Variants in VAV2 observed in about 807,000 individuals in gnomAD.
The protein encoded by VAV2 is guanine nucleotide exchange factor VAV2.
In VAV2, 67 loss-of-function variants were observed where a neutral mutation model predicts 132.5. The ratio of observed to expected loss-of-function variants is 0.51; its 90% confidence interval spans 0.42 to 0.62. The LOEUF is 0.62. VAV2 is among the 20% of genes least tolerant of loss of function. VAV2 has a pLI of 0.00. For missense variants in VAV2, 938 were observed against 1,153.6 expected (o/e 0.81, Z 2.71); for synonymous variants, 492 against 443.5 (o/e 1.11, Z -1.37).
intron 4 of VAV2, among the ~76,000 whole-genome samples, chr9:133,819,060 T>A (rs1442215187): frequency 6.6e-6 from 1 of 152,026 alleles, no homozygotes; most frequent in Admixed American, 6.6e-5. Context: ...TGTGTTGTTT[T>A]TCTTTCTTTA....
At chr9:133,933,801 A>G (rs1840784779) in intron 2 of VAV2, among the ~76,000 whole-genome samples, 2 of 138,538 alleles carry the variant, frequency 1.4e-5, no homozygotes, top group African/African-American at 5.4e-5. Flanking sequence ...TGGTGGATGG[A>G]TGAATGATGG....
intron 2 of VAV2, among the ~76,000 whole-genome samples, chr9:133,902,015 C>T (rs1448771991): frequency 3.3e-5 from 5 of 152,246 alleles, no homozygotes; most frequent in Admixed American, 6.5e-5. Flanking sequence ...GTGGATGCTC[C>T]GAGCCTCCAT....
At chr9:133,846,742 C>T (rs1836950364) in intron 3 of VAV2, among the ~76,000 whole-genome samples, 1 of 152,232 alleles carries the variant, frequency 6.6e-6, no homozygotes, top group Non-Finnish European at 1.5e-5. Context: ...CCCTCTGCTG[C>T]CACCCTGAGA....
chr9:133,946,956 A>T (rs1434846073), intron 1 of VAV2, among the ~76,000 whole-genome samples: 1 of 152,214 alleles, frequency 6.6e-6, no homozygotes, highest in Non-Finnish European at 1.5e-5. Context: ...TGCCTAGCCC[A>T]TCACACGGGC....
chr9:133,944,318 C>A (rs1443932581), intron 1 of VAV2, among the ~76,000 whole-genome samples: 9 of 152,168 alleles, frequency 5.9e-5, no homozygotes, highest in Non-Finnish European at 1.3e-4. Flanking sequence ...CCTCGCCCTC[C>A]AGAGCTGGCA....
At chr9:133,830,762 G>T (rs1836232237) in intron 4 of VAV2, among the ~76,000 whole-genome samples, 1 of 152,180 alleles carries the variant, frequency 6.6e-6, no homozygotes, top group Non-Finnish European at 1.5e-5. Flanking sequence ...GCATGCGCTT[G>T]TGTCTTGTAA....
intron 2 of VAV2, among the ~76,000 whole-genome samples, chr9:133,890,614 C>T (rs1838895074): frequency 6.6e-6 from 1 of 152,124 alleles, no homozygotes; most frequent in African/African-American, 2.4e-5. Flanking sequence ...CACTCCCCAC[C>T]CTCCCTTGCA....
In VAV2 at chr9:133,964,026, T is replaced by TGTACAC. The variant is rs71499169; in HGVS notation, c.205-24808_205-24807insGTGTAC. 1.2e-4 allele frequency among the ~76,000 whole-genome samples: 9 copies of TGTACAC among 76,628 alleles called. 1 individual carries two copies. Among genetic ancestry groups the TGTACAC allele is most frequent in the Non-Finnish European group, 1.6e-4 (6 of 37,610 alleles). 50.3% of individuals were successfully genotyped at this position (76,628 alleles called of 152,430 possible). A position where few individuals can be genotyped will look rare whatever the true frequency, so the allele number is the denominator to read the frequency against. On this transcript the variant is annotated intron_variant, in intron 1 of 29. Transcript: ENST00000371850. Reference sequence around the variant, plus strand: ...CTTTAAAAAAAATTATTCATTCATATATATATATATATATATATATATACA... The same window carrying TGTACAC: ...CTTTAAAAAAAATTATTCATTCATATGTACACATATATATATATATATATATATACA...
intron 1 of VAV2, among the ~76,000 whole-genome samples, chr9:133,950,353 C>T (rs985877603): frequency 1.3e-5 from 2 of 152,172 alleles, no homozygotes; most frequent in African/African-American, 4.8e-5. Flanking sequence ...AGTCCACAGT[C>T]AGACACCGAA....
chr9:133,990,792 C>G (rs1842990263), intron 1 of VAV2, among the ~76,000 whole-genome samples: 1 of 152,218 alleles, frequency 6.6e-6, no homozygotes, highest in Admixed American at 6.5e-5. Flanking sequence ...CCACCTGCAC[C>G]TGACCACTGA....
intron 2 of VAV2, among the ~76,000 whole-genome samples, chr9:133,878,367 G>A (rs1838350011): frequency 2.0e-5 from 3 of 152,320 alleles, no homozygotes; most frequent in South Asian, 2.1e-4. Flanking sequence ...GGATCTGACC[G>A]AACTGAGCAC....
intron 3 of VAV2, among the ~76,000 whole-genome samples, chr9:133,858,955 G>A (rs745783581): frequency 3.9e-5 from 6 of 152,220 alleles, no homozygotes; most frequent in Non-Finnish European, 7.3e-5. Flanking sequence ...AGGTTTCCCT[G>A]TACATCTGCC....
chr9:133,959,108 C>T (rs1841886297), intron 1 of VAV2, among the ~76,000 whole-genome samples: 1 of 152,200 alleles, frequency 6.6e-6, no homozygotes, highest in Non-Finnish European at 1.5e-5. Context: ...GGGTTCCTGA[C>T]TGAGCTCTCC....
At chr9:133,934,340 C>T (rs1232768824) in intron 2 of VAV2, among the ~76,000 whole-genome samples, 1 of 152,190 alleles carries the variant, frequency 6.6e-6, no homozygotes, top group Admixed American at 6.5e-5. Flanking sequence ...CAGCCAGAGA[C>T]ACCAGCCAGC....
chr9:133,779,364 T>C (rs1158297427), intron 21 of VAV2, among the ~76,000 whole-genome samples: 4 of 152,226 alleles, frequency 2.6e-5, no homozygotes, highest in African/African-American at 9.6e-5. Flanking sequence ...GACCCAGCCC[T>C]GCCTGTAGCT....
At chr9:133,930,654 G>A (rs1840653623) in intron 2 of VAV2, among the ~76,000 whole-genome samples, 1 of 152,250 alleles carries the variant, frequency 6.6e-6, no homozygotes, top group Non-Finnish European at 1.5e-5. Context: ...CAGAGCACAC[G>A]TGAGATGCAT....
chr9:133,769,314 C>A lies in VAV2; in HGVS notation c.2434+103G>T, dbSNP rs1308424215. On this transcript the variant is annotated intron_variant, in intron 28 of 29. Coordinates refer to ENST00000371850, the MANE Select transcript of VAV2 (RefSeq NM_001134398.2). The surrounding 1 kb of genome is among the most constrained non-coding windows in gnomAD (Gnocchi z 8.1). ...AGTGCCAGACTGCGGACAACTGTGG[C>A]CACGTCAGGCAGGGCTGTGGGGCCA... The A allele has an allele frequency of 3.1e-6, 4 of 1,279,872 alleles. No homozygotes were observed. In the Admixed American group the frequency reaches 7.6e-5, roughly 24 times the overall value. 79.3% of individuals were successfully genotyped at this position (1,279,872 alleles called of 1,614,324 possible). A position where few individuals can be genotyped will look rare whatever the true frequency, so the allele number is the denominator to read the frequency against.
chr9:133,881,058 G>C (rs1197711933), intron 2 of VAV2, among the ~76,000 whole-genome samples: 1 of 148,738 alleles, frequency 6.7e-6, no homozygotes, highest in African/African-American at 2.5e-5. Context: ...CAGCAGCCCA[G>C]AGCTGGGGGC....
chr9:133,768,447 C>G lies in VAV2; in HGVS notation c.2584G>C (p.Gly862Arg). 6.2e-7 allele frequency: 1 copy of G among 1,613,040 alleles called. No homozygotes were observed. The highest frequency in any genetic ancestry group is 8.5e-7 in the Non-Finnish European group (1 of 1,179,900). ...CTCAGGGTGGGGCCACTCACCCGTCCGTTGGTCTCGCCCTTCCACCAGCCC... is the reference window on the plus strand; with the variant it reads ...CTCAGGGTGGGGCCACTCACCCGTCGGTTGGTCTCGCCCTTCCACCAGCCC... ...DQGWWKGETN[G>R]RIGWFPSTYV... Residue 862 changes from glycine to arginine, a missense_variant, in exon 29 of 30, where the codon GGA becomes CGA. Physicochemically the swap from Gly to Arg is moderately radical, Grantham distance 125. Transcript: ENST00000371850. This position sits in a 1 kb window ranked among gnomAD's most constrained non-coding sequence, Gnocchi z 5.3.
Sources: allele counts gnomAD v4.1 joint callset (sites outside exome capture counted in the v4.1 genomes callset), GRCh38; gene constraint gnomAD v4.1.1; non-coding constraint Gnocchi (gnomAD v3.1); transcripts MANE v1.5; gene names NCBI Gene and HGNC (gene_info 2026-07-23, HGNC 2026-07-21).